Variants in ALDH18A1 observed in about 807,000 individuals in gnomAD.
ALDH18A1 encodes delta-1-pyrroline-5-carboxylate synthase.
A neutral mutation model predicts 88.8 loss-of-function variants in ALDH18A1; 44 were observed. That is an observed-to-expected ratio of 0.50 (90% CI 0.39 to 0.64). The LOEUF is 0.64. Among genes scored for constraint, ALDH18A1 ranks in the 30% least tolerant of loss-of-function variants. ALDH18A1 has a pLI of 0.00. For synonymous variants in ALDH18A1, 331 were observed against 372.1 expected, an observed-to-expected ratio of 0.89 and a Z score of 1.27; for missense variants, 782 against 1,009.5, an observed-to-expected ratio of 0.77 and a Z score of 3.05.
At chr10:95,619,698 T>C (rs2097849240) in intron 12 of ALDH18A1, among the ~76,000 whole-genome samples, 1 of 152,234 alleles carries the variant, frequency 6.6e-6, no homozygotes, top group Non-Finnish European at 1.5e-5. Context: ...AAGGATTCCC[T>C]ATTTAATAAA....
At chr10:95,652,514 T>G (rs1315993431) in intron 2 of ALDH18A1, among the ~76,000 whole-genome samples, 1 of 152,142 alleles carries the variant, frequency 6.6e-6, no homozygotes, top group Non-Finnish European at 1.5e-5. Flanking sequence ...GGCGGGCAGA[T>G]CACCTGAGGT....
intron 3 of ALDH18A1, among the ~76,000 whole-genome samples, chr10:95,640,470 T>G (rs971760802): frequency 6.6e-6 from 1 of 152,096 alleles, no homozygotes; most frequent in Non-Finnish European, 1.5e-5. Context: ...GCCTACCAAG[T>G]AGCTAGGATT....
intron 7 of ALDH18A1, among the ~76,000 whole-genome samples, chr10:95,629,581 C>T (rs548897334): frequency 2.0e-5 from 3 of 152,168 alleles, no homozygotes; most frequent in African/African-American, 7.2e-5. Context: ...TAGGATCTTC[C>T]CAGAAGATAC....
Position 95,621,161 on chromosome 10 carries a change from G to A in ALDH18A1, c.1337C>T (p.Ser446Phe), listed in dbSNP as rs539760223. 5 of 1,614,064 alleles carry A rather than the reference G, an allele frequency of 3.1e-6. No individual in the cohort carries two copies. Among genetic ancestry groups the A allele is most frequent in the East Asian group, 2.2e-5 (1 of 44,862 alleles). ...AACACGTCCCACGCTGTCCTGGGAGGAGGCTGCGATCTGTCGCAGACCGAT... is the reference window on the plus strand; with the variant it reads ...AACACGTCCCACGCTGTCCTGGGAGAAGGCTGCGATCTGTCGCAGACCGAT... ...LAIGLRQIAA[S>F]SQDSVGRVLR... Residue 446 changes from serine to phenylalanine, a missense_variant, in exon 12 of 18, where the codon TCC becomes TTC. Around this residue, in one of 3 missense-constraint regions of ALDH18A1, gnomAD observed 556 missense variants for 654.5 expected, o/e 0.85. Transcript: ENST00000371224.
chr10:95,634,196 A>G (rs535047750), intron 5 of ALDH18A1, among the ~76,000 whole-genome samples: 1 of 152,292 alleles, frequency 6.6e-6, no homozygotes, highest in East Asian at 1.9e-4. Flanking sequence ...CCAAAATCTC[A>G]TCCATTTACA....
chr10:95,636,548 A>C (rs886869707), intron 5 of ALDH18A1, among the ~76,000 whole-genome samples: 4 of 152,228 alleles, frequency 2.6e-5, no homozygotes, highest in African/African-American at 4.8e-5. Flanking sequence ...TTTGTTCACC[A>C]CAGTATCCCC....
intron 13 of ALDH18A1, among the ~76,000 whole-genome samples, chr10:95,615,563 A>G (rs2097842841): frequency 6.6e-6 from 1 of 152,132 alleles, no homozygotes; most frequent in African/African-American, 2.4e-5. Context: ...TTACACATCA[A>G]TAGGAAGAAA....
chr10:95,639,555 A>G (rs528313702), intron 3 of ALDH18A1, among the ~76,000 whole-genome samples: 1 of 151,494 alleles, frequency 6.6e-6, no homozygotes, highest in Non-Finnish European at 1.5e-5. Flanking sequence ...ATAACTGCTA[A>G]AAGATAATCA....
Position 95,606,510 on chromosome 10 carries a change from A to G in ALDH18A1, c.*252T>C. On this transcript the variant is annotated 3_prime_UTR_variant, in exon 18 of 18. Coordinates refer to ENST00000371224, the MANE Select transcript of ALDH18A1 (RefSeq NM_002860.4). ...AAAATGCACCTTTCAATCCTAGAAG[A>G]TAATTGGACTTGGCAAAGTCCCTAT... The G allele has an allele frequency of 7.4e-7, 1 of 1,348,812 alleles. No homozygotes were observed. Among genetic ancestry groups the G allele is most frequent in the African/African-American group, 1.5e-5 (1 of 68,102 alleles). 83.6% of individuals were successfully genotyped at this position (1,348,812 alleles called of 1,614,324 possible). A position where few individuals can be genotyped will look rare whatever the true frequency, so the allele number is the denominator to read the frequency against.
chr10:95,641,170 T>C (rs1017337355), intron 3 of ALDH18A1, among the ~76,000 whole-genome samples: 7 of 152,118 alleles, frequency 4.6e-5, no homozygotes, highest in African/African-American at 1.7e-4. Flanking sequence ...ATCCCATCAG[T>C]TGTCAAGGCC....
intron 13 of ALDH18A1, among the ~76,000 whole-genome samples, 197 bp downstream of exon 13, chr10:95,616,280 G>A (rs2097843993): frequency 6.6e-6 from 1 of 152,234 alleles, no homozygotes. Flanking sequence ...AGCTGTAAGG[G>A]AGGGGCCTTC....
At chr10:95,610,378 G>T in intron 16 of ALDH18A1, 86 bp from the exon 17 acceptor site, 1 of 1,365,454 alleles carries the variant, frequency 7.3e-7, no homozygotes, top group Non-Finnish European at 1.0e-6. Flanking sequence ...ACAGATCAGG[G>T]CAGGGTCTGG....
intron 4 of ALDH18A1, 31 bp from the exon 5 acceptor site, chr10:95,637,228 A>T: frequency 6.2e-7 from 1 of 1,614,236 alleles, no homozygotes; most frequent in Non-Finnish European, 8.5e-7. Flanking sequence ...AAGGTGTGGT[A>T]GGGAATGAGG....
In ALDH18A1 at chr10:95,637,555, G is replaced by C. The variant is rs892593530; in HGVS notation, c.304-119C>G. The stretch of plus-strand genomic sequence containing the variant: ...ATCCCAAATGCTGGTTTATGAACCA[G>C]CATGTGGCTGGCTCTGGAAGAATCA... On this transcript the variant is annotated intron_variant, in intron 3 of 17. Coordinates refer to ENST00000371224, the MANE Select transcript of ALDH18A1 (RefSeq NM_002860.4). 99 of 1,208,792 alleles carry C rather than the reference G, an allele frequency of 8.2e-5. No homozygotes were observed. In the South Asian group the frequency reaches 1.3e-3, roughly 15 times the overall value. 74.9% of individuals were successfully genotyped at this position (1,208,792 alleles called of 1,614,324 possible).
rs780741130 is a variant in ALDH18A1, at chr10:95,613,731, G to C, written c.1923+11C>G. The C allele has an allele frequency of 6.2e-7, 1 of 1,614,042 alleles. No individual in the cohort carries two copies. The highest frequency in any genetic ancestry group is 1.1e-5 in the South Asian group (1 of 91,078). On this transcript the variant is annotated intron_variant, in intron 15 of 17. Transcript: ENST00000371224. Reference sequence around the variant, plus strand: ...ACAGGAAGTAATGTACTAGTCCTATGGAACTCTTACCTGTTCCACTCTCAG... The same window carrying C: ...ACAGGAAGTAATGTACTAGTCCTATCGAACTCTTACCTGTTCCACTCTCAG...
intron 12 of ALDH18A1, among the ~76,000 whole-genome samples, chr10:95,618,688 G>A (rs2097847669): frequency 6.6e-6 from 1 of 152,196 alleles, no homozygotes; most frequent in South Asian, 2.1e-4. Flanking sequence ...GAAGCCATCA[G>A]TGATACTGAC....
At chr10:95,648,579 C>T (rs1322848214) in intron 2 of ALDH18A1, among the ~76,000 whole-genome samples, 1 of 152,128 alleles carries the variant, frequency 6.6e-6, no homozygotes. Flanking sequence ...GAGCTGGCCC[C>T]GTAACTTGCT....
rs759279790 is a variant in ALDH18A1 at position 95,625,437 on chromosome 10, G to A, written c.1171C>T (p.His391Tyr). ...EPEQRAEIIH[H>Y]LADLLTDQRD... is the part of the protein sequence containing the mutation. ...TGGTCCGTCAACAGATCAGCCAGATGATGGATAATTTCTGCTCTCTAGAAG... is the reference window on the plus strand; with the variant it reads ...TGGTCCGTCAACAGATCAGCCAGATAATGGATAATTTCTGCTCTCTAGAAG... The change falls in exon 11 of 18, where the codon CAT becomes TAT. Residue 391 changes from histidine (H) to tyrosine (Y), a missense_variant. His to Tyr is a moderately conservative substitution (Grantham distance 83). This residue lies in a region of ALDH18A1 where 556 missense variants were observed against 654.5 expected (regional missense o/e 0.85). Transcript: ENST00000371224. 3 of 1,613,860 alleles carry A rather than the reference G, an allele frequency of 1.9e-6. No homozygotes were observed. The highest frequency in any genetic ancestry group is 2.5e-6 in the Non-Finnish European group (3 of 1,179,890).
intron 17 of ALDH18A1, among the ~76,000 whole-genome samples, chr10:95,609,785 T>TTTTTTTTTTTTTTA (rs1589474628): frequency 1.3e-5 from 2 of 149,306 alleles, no homozygotes; most frequent in African/African-American, 2.5e-5. Context: ...TTTTTTTTTT[T>TTTTTTTTTTTTTTA]GAGATGGTGT....
Sources: gnomAD v4.1 joint callset for allele counts (sites outside exome capture counted in the v4.1 genomes callset) on GRCh38, gnomAD v4.1.1 for gene constraint, gnomAD v4.1.1 regional missense constraint, MANE v1.5 for transcripts, NCBI Gene and HGNC (gene_info 2026-07-23, HGNC 2026-07-21) for gene names.